MCM9: variants seen among roughly 807,000 people sequenced by gnomAD.
The protein encoded by MCM9 is minichromosome maintenance 9 homologous recombination repair factor.
MCM9 carries 55 observed loss-of-function variants against 72.8 expected under a neutral mutation model. That is an observed-to-expected ratio of 0.76 (90% CI 0.61 to 0.95). MCM9 has a LOEUF of 0.95. Ranked by LOEUF, MCM9 falls within the 40% of genes least tolerant of loss-of-function variation. The pLI is 0.00. For synonymous variants in MCM9, 480 were observed against 503.4 expected, an observed-to-expected ratio of 0.95 and a Z score of 0.62; for missense variants, 1,279 against 1,377.0, an observed-to-expected ratio of 0.93 and a Z score of 1.13.
At chr6:118,885,599 A>G (rs900646548) in intron 8 of MCM9, among the ~76,000 whole-genome samples, 14 of 152,224 alleles carry the variant, frequency 9.2e-5, no homozygotes, top group Non-Finnish European at 1.9e-4. Flanking sequence ...GAATGATACC[A>G]ACTACTGAAA....
chr6:118,825,628 G>A (rs151254087), intron 13 of MCM9, among the ~76,000 whole-genome samples: 3 of 152,240 alleles, frequency 2.0e-5, no homozygotes, highest in East Asian at 1.9e-4. Flanking sequence ...AGGCTTACAC[G>A]CAAAACCTAG....
intron 8 of MCM9, among the ~76,000 whole-genome samples, 172 bp from the exon 9 acceptor site, chr6:118,856,717 A>T (rs570220931): frequency 3.2e-4 from 49 of 152,202 alleles, no homozygotes; most frequent in African/African-American, 1.1e-3. Context: ...TGTCTCTACA[A>T]ATAATTTAAA....
At chr6:118,857,970 G>A (rs1174022150) in intron 8 of MCM9, among the ~76,000 whole-genome samples, 1 of 152,040 alleles carries the variant, frequency 6.6e-6, no homozygotes, top group Non-Finnish European at 1.5e-5. Flanking sequence ...CAATAATAGA[G>A]AAGAGTAAAC....
chr6:118,847,055 T>C (rs1775917173), intron 9 of MCM9, among the ~76,000 whole-genome samples: 1 of 151,426 alleles, frequency 6.6e-6, no homozygotes, highest in African/African-American at 2.4e-5. Context: ...AATCAGAAAT[T>C]CAAAAATTCA....
chr6:118,903,284 C>T (rs930052660), intron 8 of MCM9, among the ~76,000 whole-genome samples: 1 of 152,116 alleles, frequency 6.6e-6, no homozygotes, highest in African/African-American at 2.4e-5. Context: ...CCCCTCTGTG[C>T]AGGGGTGTGT....
intron 8 of MCM9, among the ~76,000 whole-genome samples, chr6:118,889,207 C>T (rs1332096440): frequency 6.6e-6 from 1 of 152,188 alleles, no homozygotes; most frequent in Non-Finnish European, 1.5e-5. Flanking sequence ...AACCAAATTT[C>T]TACCAATTAA....
At chr6:118,843,663 T>C (rs1430113718) in intron 9 of MCM9, among the ~76,000 whole-genome samples, 1 of 51,228 alleles carries the variant, frequency 2.0e-5, no homozygotes, top group African/African-American at 8.1e-5. Flanking sequence ...TATGTGTATA[T>C]ATATATGTAT....
intron 6 of MCM9, among the ~76,000 whole-genome samples, chr6:118,916,505 C>G (rs570828349): frequency 4.0e-4 from 60 of 150,462 alleles, no homozygotes; most frequent in Non-Finnish European, 7.2e-4. Context: ...GTCGCCCAGG[C>G]TGGTCTGCAG....
At chr6:118,883,456 A>G (rs908538130) in intron 8 of MCM9, among the ~76,000 whole-genome samples, 3 of 71,786 alleles carry the variant, frequency 4.2e-5, no homozygotes, top group African/African-American at 1.0e-4. Flanking sequence ...AAATTTGATG[A>G]AAAACAATGG....
In MCM9 at chr6:118,908,286, A is replaced by G. The variant is rs573367465; in HGVS notation, c.1150+3364T>C. ...GGTTTTTGTTCTTATAACAGAGTTTAGAATATCAGAGCATTTCTTGAATCA... is the reference window on the plus strand; with the variant it reads ...GGTTTTTGTTCTTATAACAGAGTTTGGAATATCAGAGCATTTCTTGAATCA... On this transcript the variant is annotated intron_variant, in intron 8 of 13. Coordinates refer to ENST00000619706, the MANE Select transcript of MCM9 (RefSeq NM_017696.3). The G allele has an allele frequency of 1.1e-3, 164 of 152,280 alleles. 1 individual carries two copies. Among genetic ancestry groups the G allele is most frequent in the African/African-American group, 3.6e-3 (151 of 41,572 alleles). 9.4% of individuals were successfully genotyped at this position (152,280 alleles called of 1,614,324 possible).
chr6:118,860,998 T>C (rs1346068698), intron 8 of MCM9, among the ~76,000 whole-genome samples: 1 of 152,202 alleles, frequency 6.6e-6, no homozygotes, highest in Non-Finnish European at 1.5e-5. Context: ...CAGGCTGCGC[T>C]TGGCTCACAC....
At chr6:118,923,730 G>A in intron 4 of MCM9, 81 bp downstream of exon 4, 1 of 1,209,816 alleles carries the variant, frequency 8.3e-7, no homozygotes, top group Non-Finnish European at 1.2e-6. Context: ...TATCCATTCT[G>A]TGTTCCCTAA....
intron 6 of MCM9, among the ~76,000 whole-genome samples, chr6:118,915,232 C>T (rs868404456): frequency 6.6e-6 from 1 of 152,176 alleles, no homozygotes; most frequent in South Asian, 2.1e-4. Context: ...ATGGCTATAT[C>T]ATGGAAGAAA....
intron 8 of MCM9, among the ~76,000 whole-genome samples, chr6:118,900,442 T>C (rs1779732113): frequency 6.6e-6 from 1 of 152,194 alleles, no homozygotes; most frequent in South Asian, 2.1e-4. Flanking sequence ...CTGAAGGATA[T>C]CTCAGAAAAC....
rs976166057 is a variant in MCM9, at chr6:118,885,149, T to C, written c.1150+26501A>G. ...AGGCGGAGCTTACAGTGAGCTGAGA[T>C]TGCGCCGCTGCACTCCAGCATGGGA... On this transcript the variant is annotated intron_variant, in intron 8 of 13. Transcript: ENST00000619706. Among the ~76,000 whole-genome samples the C allele has an allele frequency of 5.3e-5, 8 of 152,082 alleles. No homozygotes were observed. In the East Asian group the frequency reaches 9.7e-4, roughly 18 times the overall value.
chr6:118,878,588 A>G (rs1020133054), intron 8 of MCM9, among the ~76,000 whole-genome samples: 1 of 152,200 alleles, frequency 6.6e-6, no homozygotes, highest in Non-Finnish European at 1.5e-5. Context: ...GAATAGAATT[A>G]CATTGTAACA....
intron 4 of MCM9, 78 bp from the exon 5 acceptor site, chr6:118,922,164 T>G: frequency 9.5e-7 from 1 of 1,052,532 alleles, no homozygotes; most frequent in Non-Finnish European, 1.4e-6. Flanking sequence ...GTACTTGAAA[T>G]TACTATTTTT....
At chr6:118,914,699 A>C (rs1235013300) in intron 6 of MCM9, among the ~76,000 whole-genome samples, 1 of 152,158 alleles carries the variant, frequency 6.6e-6, no homozygotes, top group Non-Finnish European at 1.5e-5. Context: ...GGAAAGAAGA[A>C]ACAGCCCCAA....
At chr6:118,905,503 A>C in intron 8 of MCM9, 1 of 588,152 alleles carries the variant, frequency 1.7e-6, no homozygotes. Flanking sequence ...TAAGTCAGTC[A>C]GAAATGAGCA....
Sources: gnomAD v4.1 joint callset for allele counts (sites outside exome capture counted in the v4.1 genomes callset) on GRCh38, gnomAD v4.1.1 for gene constraint, MANE v1.5 for transcripts, NCBI Gene and HGNC (gene_info 2026-07-23, HGNC 2026-07-21) for gene names.